Variants in IQCJ observed in about 807,000 individuals in gnomAD.
IQCJ encodes IQ motif containing J, also known as IQ domain-containing protein J.
A neutral mutation model predicts 11.0 loss-of-function variants in IQCJ; 9 were observed. That is an observed-to-expected ratio of 0.82 (90% CI 0.49 to 1.43). The LOEUF is 1.43. IQCJ is among the 40% of genes most tolerant of loss of function. The pLI, the probability that IQCJ is intolerant of heterozygous loss-of-function variation, is 0.00. For missense variants in IQCJ, 146 were observed against 133.2 expected, an observed-to-expected ratio of 1.10 and a Z score of -0.47; for synonymous variants, 55 against 51.3, an observed-to-expected ratio of 1.07 and a Z score of -0.31.
intron 1 of IQCJ, among the ~76,000 whole-genome samples, chr3:159,225,189 C>A (rs10936175): frequency 0.14 from 21,276 of 152,128 alleles, 1,692 homozygotes; most frequent in Middle Eastern, 0.21. Flanking sequence ...GTGACACATC[C>A]ATACCATGGA....
intron 1 of IQCJ, among the ~76,000 whole-genome samples, chr3:159,162,433 T>G (rs1177664612): frequency 7.9e-5 from 12 of 152,290 alleles, no homozygotes; most frequent in Admixed American, 3.9e-4. Flanking sequence ...GATTTTGGGC[T>G]GAGACAGTGG....
chr3:159,106,277 G>A lies in IQCJ; in HGVS notation c.9+36836G>A, dbSNP rs73027609. ...AGACATTCAGAGACCTTGTCAAGTA[G>A]GAAGTTAGAATAATAGCCCAGGGCT... is the stretch of plus-strand genomic sequence containing the variant. On this transcript the variant is annotated intron_variant, in intron 1 of 3. Transcript: ENST00000397832. Among the ~76,000 whole-genome samples, 1,069 of 152,270 alleles carry A rather than the reference G, an allele frequency of 7.0e-3. 12 individuals carry two copies. Among genetic ancestry groups the A allele is most frequent in the African/African-American group, 0.024 (1,013 of 41,562 alleles).
Position 159,243,623 on chromosome 3 carries a change from A to G in IQCJ, c.10-2220A>G, listed in dbSNP as rs1577108957. On this transcript the variant is annotated intron_variant, in intron 1 of 3. Transcript: ENST00000397832. ...TTTGGGAGAGGAAAATTGATTGTAA[A>G]GGGGAACAAAGGAACTTCCTGGGAA... Among the ~76,000 whole-genome samples the G allele has an allele frequency of 2.6e-5, 4 of 152,328 alleles. No individual in the cohort carries two copies. The East Asian group carries it at 7.7e-4, about 29-fold the overall frequency.
chr3:159,248,622 A>G (rs1346714777), intron 2 of IQCJ, among the ~76,000 whole-genome samples: 1 of 152,206 alleles, frequency 6.6e-6, no homozygotes, highest in Non-Finnish European at 1.5e-5. Flanking sequence ...GCTCCACTCT[A>G]GAAAAATTGA....
At chr3:159,093,598 T>G (rs1717503898) in intron 1 of IQCJ, among the ~76,000 whole-genome samples, 1 of 151,792 alleles carries the variant, frequency 6.6e-6, no homozygotes, top group African/African-American at 2.4e-5. Flanking sequence ...AGGTAGAGGC[T>G]GGGAAAGCCG....
At chr3:159,122,741 G>C (rs1261323977) in intron 1 of IQCJ, among the ~76,000 whole-genome samples, 3 of 152,052 alleles carry the variant, frequency 2.0e-5, no homozygotes, top group Admixed American at 6.5e-5. Flanking sequence ...TTCTACAAAA[G>C]CCATTTCTTT....
rs79183902 is a variant in IQCJ at position 159,195,324 on chromosome 3, G to A, written c.10-50519G>A. On this transcript the variant is annotated intron_variant, in intron 1 of 3. Transcript: ENST00000397832. Reference sequence around the variant, plus strand: ...ACCCAGTGCTTCTCCAGCTGGTTATGTTAGAGCTTGACCCTGGTTATTGGT... The same window carrying A: ...ACCCAGTGCTTCTCCAGCTGGTTATATTAGAGCTTGACCCTGGTTATTGGT... Among the ~76,000 whole-genome samples, 870 of 152,260 alleles carry A rather than the reference G, an allele frequency of 5.7e-3. 64 individuals are homozygous for A. The East Asian group carries it at 0.14, about 25-fold the overall frequency.
intron 1 of IQCJ, among the ~76,000 whole-genome samples, chr3:159,135,578 C>G (rs1399990560): frequency 6.6e-6 from 1 of 152,196 alleles, no homozygotes; most frequent in Non-Finnish European, 1.5e-5. Context: ...CCATCTTTAA[C>G]ACATGACTTC....
At chr3:159,191,336 CATGG>C (rs1723676034) in intron 1 of IQCJ, among the ~76,000 whole-genome samples, 1 of 152,102 alleles carries the variant, frequency 6.6e-6, no homozygotes, top group South Asian at 2.1e-4. Context: ...GGGGTTGGAT[CATGG>C]AGCATCTTGG....
intron 1 of IQCJ, among the ~76,000 whole-genome samples, chr3:159,241,224 A>G (rs1726901558): frequency 6.6e-6 from 1 of 151,904 alleles, no homozygotes; most frequent in African/African-American, 2.4e-5. Context: ...CCTGGCCAAC[A>G]TGGTGAAACC....
At chr3:159,263,749 G>C (rs1728347737), downstream of IQCJ, 1 of 985,034 alleles carries the variant, frequency 1.0e-6, no homozygotes, top group African/African-American at 1.7e-5. Flanking sequence ...TTCAATAAAT[G>C]GTTTTGCCTA....
intron 1 of IQCJ, among the ~76,000 whole-genome samples, chr3:159,235,638 G>C (rs560800469): frequency 6.6e-6 from 1 of 152,180 alleles, no homozygotes; most frequent in East Asian, 1.9e-4. Flanking sequence ...TTCTACTCTT[G>C]GAGGATCTCA....
intron 1 of IQCJ, among the ~76,000 whole-genome samples, chr3:159,201,878 A>T (rs1227591403): frequency 6.6e-6 from 1 of 152,018 alleles, no homozygotes; most frequent in Non-Finnish European, 1.5e-5. Context: ...TTTATTGGGC[A>T]CTTTGGTGCT....
chr3:159,233,334 A>T (rs1298400679), intron 1 of IQCJ, among the ~76,000 whole-genome samples: 1 of 152,114 alleles, frequency 6.6e-6, no homozygotes, highest in African/African-American at 2.4e-5. Flanking sequence ...GACTGTCCTG[A>T]TGAGTTTGGC....
intron 1 of IQCJ, among the ~76,000 whole-genome samples, chr3:159,136,525 G>A (rs1408947740): frequency 6.6e-6 from 1 of 152,164 alleles, no homozygotes; most frequent in Non-Finnish European, 1.5e-5. Flanking sequence ...GCCATAAACT[G>A]GGTGGCTTAT....
At chr3:159,078,986 TA>T (rs1716129343) in intron 1 of IQCJ, among the ~76,000 whole-genome samples, 1 of 152,058 alleles carries the variant, frequency 6.6e-6, no homozygotes, top group Admixed American at 6.6e-5. Flanking sequence ...ATATGATAAC[TA>T]AATCAGGGTC....
chr3:159,252,919 G>A, intron 3 of IQCJ, 112 bp downstream of exon 3: 3 of 1,084,052 alleles, frequency 2.8e-6, no homozygotes, highest in Non-Finnish European at 4.0e-6. Context: ...ACATTCATGT[G>A]CTGCATATTA....
intron 1 of IQCJ, among the ~76,000 whole-genome samples, chr3:159,164,719 G>A (rs757029722): frequency 1.3e-5 from 2 of 152,178 alleles, no homozygotes; most frequent in Non-Finnish European, 2.9e-5. Flanking sequence ...GGTGAGCCGA[G>A]ATCACGCCAT....
chr3:159,186,660 G>A (rs904692401), intron 1 of IQCJ, among the ~76,000 whole-genome samples: 1 of 152,134 alleles, frequency 6.6e-6, no homozygotes, highest in Non-Finnish European at 1.5e-5. Context: ...AAATTCAGAT[G>A]GGAGGAAAGG....
Sources: gnomAD v4.1 joint callset for allele counts (sites outside exome capture counted in the v4.1 genomes callset) on GRCh38, gnomAD v4.1.1 for gene constraint, MANE v1.5 for transcripts, NCBI Gene and HGNC (gene_info 2026-07-23, HGNC 2026-07-21) for gene names.